Variants in DNAJC17 observed in about 807,000 individuals in gnomAD.
The protein encoded by DNAJC17 is dnaJ homolog subfamily C member 17.
A neutral mutation model predicts 48.1 loss-of-function variants in DNAJC17; 35 were observed. The ratio of observed to expected loss-of-function variants is 0.73; its 90% confidence interval spans 0.56 to 0.96. DNAJC17 has a LOEUF of 0.96. Ranked by LOEUF, DNAJC17 falls within the 50% of genes least tolerant of loss-of-function variation. The pLI is 0.00. For missense variants in DNAJC17, 355 were observed against 377.1 expected (o/e 0.94, Z 0.48); for synonymous variants, 117 against 142.7 (o/e 0.82, Z 1.28).
intron 10 of DNAJC17, among the ~76,000 whole-genome samples, chr15:40,773,491 G>A (rs1299489734): frequency 6.6e-6 from 1 of 152,216 alleles, no homozygotes. Flanking sequence ...CCAACAGGAG[G>A]CCAGATATGG....
In DNAJC17 at chr15:40,770,845, C is replaced by G; in HGVS notation, c.793-2783G>C. On this transcript the variant is annotated intron_variant, in intron 10 of 10. Coordinates refer to ENST00000220496, the MANE Select transcript of DNAJC17 (RefSeq NM_018163.3). This position sits in a 1 kb window ranked among gnomAD's most constrained non-coding sequence, Gnocchi z 5.0. The stretch of plus-strand genomic sequence containing the variant: ...ACCCTGCCATCGGCGCTCTCTCTGT[C>G]GAGTGCCCTCCACCAGCACTCAGAG... 6.4e-7 allele frequency: 1 copy of G among 1,551,488 alleles called. No individual in the cohort carries two copies. The highest frequency in any genetic ancestry group is 8.7e-7 in the Non-Finnish European group (1 of 1,146,996).
chr15:40,798,221 T>C (rs963452326), intron 1 of DNAJC17, among the ~76,000 whole-genome samples: 1 of 152,228 alleles, frequency 6.6e-6, no homozygotes, highest in African/African-American at 2.4e-5. Context: ...ATGATGTTAA[T>C]TAAGCGAAAT....
At chr15:40,777,613 G>T (rs1014791423) in intron 4 of DNAJC17, among the ~76,000 whole-genome samples, 1 of 152,034 alleles carries the variant, frequency 6.6e-6, no homozygotes, top group Non-Finnish European at 1.5e-5. Flanking sequence ...AGCTACTCGG[G>T]AGGCTGAGGC....
At chr15:40,775,280 G>C in intron 7 of DNAJC17, 172 bp from the exon 8 acceptor site, 2 of 775,974 alleles carry the variant, frequency 2.6e-6, no homozygotes, top group South Asian at 3.3e-5. Flanking sequence ...AGGCAGGATG[G>C]CCTGCTCACC....
rs759209486 is a variant in DNAJC17, at chr15:40,765,844, G to A, written c.*2096C>T. ...CCTTGCAGGAGGTGGGCCCCACTAT[G>A]GTGGGCGATGAACAGTCGGATCCAG... is the stretch of plus-strand genomic sequence containing the variant. On this transcript the variant is annotated 3_prime_UTR_variant, in exon 11 of 11. Transcript: ENST00000220496. The A allele has an allele frequency of 6.2e-5, 97 of 1,575,670 alleles. No homozygotes were observed. Among genetic ancestry groups the A allele is most frequent in the Non-Finnish European group, 8.0e-5 (92 of 1,154,170 alleles).
chr15:40,770,948 G>C lies in DNAJC17; in HGVS notation c.792+2779C>G. ...GTGATCCCTTCCTCTCCTTCAAAGT[G>C]GACCTGGGGATTTCACTTCTTGAGG... On this transcript the variant is annotated intron_variant, in intron 10 of 10. Coordinates refer to ENST00000220496, the MANE Select transcript of DNAJC17 (RefSeq NM_018163.3). The surrounding 1 kb of genome is among the most constrained non-coding windows in gnomAD (Gnocchi z 5.0). 6.4e-7 allele frequency: 1 copy of C among 1,551,426 alleles called. No homozygotes were observed. The highest frequency in any genetic ancestry group is 8.7e-7 in the Non-Finnish European group (1 of 1,147,010).
intron 1 of DNAJC17, among the ~76,000 whole-genome samples, chr15:40,785,911 G>A (rs1889629325): frequency 6.6e-6 from 1 of 152,230 alleles, no homozygotes; most frequent in Non-Finnish European, 1.5e-5. Flanking sequence ...TGATTAACTA[G>A]TTATTACTAT....
rs568832560 is a variant in DNAJC17 at position 40,773,954 on chromosome 15, C to A, written c.682-117G>T. The A allele has an allele frequency of 2.3e-4, 198 of 869,802 alleles. 2 individuals carry two copies. The highest frequency in any genetic ancestry group is 2.4e-4 in the Non-Finnish European group (136 of 566,658). 53.9% of individuals were successfully genotyped at this position (869,802 alleles called of 1,614,324 possible). A position where few individuals can be genotyped will look rare whatever the true frequency, so the allele number is the denominator to read the frequency against. ...CTAGCCCTCTAAGCAGAGATGCCAA[C>A]CTCAGCAGCCTTCAAGTGATGGGTG... On this transcript the variant is annotated intron_variant, in intron 9 of 10. Transcript: ENST00000220496.
chr15:40,789,352 C>T (rs1401597591), intron 1 of DNAJC17, among the ~76,000 whole-genome samples: 2 of 149,628 alleles, frequency 1.3e-5, no homozygotes, highest in African/African-American at 2.5e-5. Context: ...TTCCTTCACT[C>T]CCCCACAGTA....
chr15:40,784,009 T>C (rs113339500), intron 1 of DNAJC17, among the ~76,000 whole-genome samples: 7,859 of 150,396 alleles, frequency 0.052, 671 homozygotes, highest in African/African-American at 0.18. Context: ...GGCGAATCAG[T>C]TGAGGTCAGG....
chr15:40,790,717 C>T (rs1221373962), intron 1 of DNAJC17, among the ~76,000 whole-genome samples: 2 of 152,236 alleles, frequency 1.3e-5, no homozygotes, highest in Non-Finnish European at 2.9e-5. Flanking sequence ...CACAGGCTTG[C>T]TTTCAAGGTC....
intron 6 of DNAJC17, 111 bp from the exon 7 acceptor site, chr15:40,775,707 G>T: frequency 9.2e-7 from 1 of 1,081,234 alleles, no homozygotes; most frequent in Non-Finnish European, 1.4e-6. Flanking sequence ...TCCTGACCAA[G>T]GGCAATGCCT....
Position 40,785,046 on chromosome 15 carries a change from C to T in DNAJC17, c.79-5049G>A, listed in dbSNP as rs375787522. ...CCAGGAGGCGGAGCTTGCAGTGAGC[C>T]GAGATCATGCCATTGCACTCCAGCC... On this transcript the variant is annotated intron_variant, in intron 1 of 10. Coordinates refer to ENST00000220496, the MANE Select transcript of DNAJC17 (RefSeq NM_018163.3). Among the ~76,000 whole-genome samples, 317 of 152,020 alleles carry T rather than the reference C, an allele frequency of 2.1e-3. 19 individuals carry two copies. In the South Asian group the frequency reaches 0.062, roughly 30 times the overall value.
At position 40,767,672 on chromosome 15, in the gene DNAJC17, A is replaced by ATAGC; in HGVS notation, c.*264_*267dup. The ATAGC allele has an allele frequency of 3.3e-6, 2 of 600,180 alleles. No homozygotes were observed. The highest frequency in any genetic ancestry group is 4.6e-5 in the South Asian group (2 of 43,350). The allele number at this position is 600,180 out of a possible 1,614,324, so 37.2% of individuals were successfully genotyped here. ...AGCGGCCCTGGCGCGTGGCTCCTGC[A>ATAGC]TAGCTAGCCCAAGCCAATAAAGGGC... On this transcript the variant is annotated 3_prime_UTR_variant, in exon 11 of 11. Coordinates refer to ENST00000220496, the MANE Select transcript of DNAJC17 (RefSeq NM_018163.3).
chr15:40,767,447 C>A lies in DNAJC17; in HGVS notation c.*493G>T. The A allele has an allele frequency of 1.5e-6, 2 of 1,345,386 alleles. No homozygotes were observed. Among genetic ancestry groups the A allele is most frequent in the South Asian group, 1.5e-5 (1 of 68,068 alleles). 83.3% of individuals were successfully genotyped at this position (1,345,386 alleles called of 1,614,324 possible). A position where few individuals can be genotyped will look rare whatever the true frequency, so the allele number is the denominator to read the frequency against. On this transcript the variant is annotated 3_prime_UTR_variant, in exon 11 of 11. Transcript: ENST00000220496. Reference sequence around the variant, plus strand: ...GCCTCACCGTCTGCCTTGCTCCTCTCTTCCCAAATCATCACCGCCATGGGC... The same window carrying A: ...GCCTCACCGTCTGCCTTGCTCCTCTATTCCCAAATCATCACCGCCATGGGC...
intron 10 of DNAJC17, among the ~76,000 whole-genome samples, chr15:40,773,140 TG>T (rs1280617544): frequency 6.6e-6 from 1 of 152,094 alleles, no homozygotes; most frequent in Non-Finnish European, 1.5e-5. Flanking sequence ...TTTGTGTTTT[TG>T]TAGAGACGGG....
At chr15:40,793,898 C>A (rs1039008570) in intron 1 of DNAJC17, among the ~76,000 whole-genome samples, 1 of 152,014 alleles carries the variant, frequency 6.6e-6, no homozygotes, top group Non-Finnish European at 1.5e-5. Flanking sequence ...GGTCATGGGG[C>A]AAGTATCCAG....
Position 40,780,113 on chromosome 15 carries a change from G to A in DNAJC17, c.79-116C>T, listed in dbSNP as rs761743789. Reference sequence around the variant, plus strand: ...CACACCTAAAAGAGAAGCTGCTGGCGCCCACTTCCTAGCCACCAGGGAGAC... The same window carrying A: ...CACACCTAAAAGAGAAGCTGCTGGCACCCACTTCCTAGCCACCAGGGAGAC... On this transcript the variant is annotated intron_variant, in intron 1 of 10. Transcript: ENST00000220496. 23 of 1,005,832 alleles carry A rather than the reference G, an allele frequency of 2.3e-5. No individual in the cohort carries two copies. In the East Asian group the frequency reaches 3.6e-4, roughly 16 times the overall value. 62.3% of individuals were successfully genotyped at this position (1,005,832 alleles called of 1,614,324 possible).
chr15:40,767,125 G>C lies in DNAJC17; in HGVS notation c.*815C>G. 2 of 1,254,418 alleles carry C rather than the reference G, an allele frequency of 1.6e-6. No individual in the cohort carries two copies. The allele number at this position is 1,254,418 out of a possible 1,614,324, so 77.7% of individuals were successfully genotyped here. A position where few individuals can be genotyped will look rare whatever the true frequency, so the allele number is the denominator to read the frequency against. ...CCCAGCAAGCAGCCAGCAAGTGTGA[G>C]TCACTACAAGAGTGGCCAGGCTGCC... On this transcript the variant is annotated 3_prime_UTR_variant, in exon 11 of 11. Coordinates refer to ENST00000220496, the MANE Select transcript of DNAJC17 (RefSeq NM_018163.3).
Sources: allele counts gnomAD v4.1 joint callset (sites outside exome capture counted in the v4.1 genomes callset), GRCh38; gene constraint gnomAD v4.1.1; non-coding constraint Gnocchi (gnomAD v3.1); transcripts MANE v1.5; gene names NCBI Gene and HGNC (gene_info 2026-07-23, HGNC 2026-07-21).